The following TBCD variants were observed in gnomAD, a reference collection of about 807,000 sequenced individuals.
TBCD encodes the protein tubulin-specific chaperone D.
A neutral mutation model predicts 169.3 loss-of-function variants in TBCD; 105 were observed. That is an observed-to-expected ratio of 0.62 (90% confidence interval 0.53 to 0.73). The LOEUF (loss-of-function observed/expected upper bound fraction) is 0.73. Among genes scored for constraint, TBCD ranks in the 30% least tolerant of loss-of-function variants. TBCD has a pLI of 0.00. For missense variants in TBCD, 1,444 were observed against 1,600.1 expected (o/e 0.90, Z 1.66); for synonymous variants, 700 against 643.9 (o/e 1.09, Z -1.32).
At chr17:82,909,192 T>C (rs759930284) in intron 21 of TBCD, 93 bp from the exon 22 acceptor site, 349 of 1,112,770 alleles carry the variant, frequency 3.1e-4, no homozygotes, top group Non-Finnish European at 4.2e-4. Context: ...TCTTCTGCCA[T>C]TTTCTCTTTG....
Position 82,920,468 on chromosome 17 carries a change from C to G in TBCD, c.2039-88C>G. 5.1e-6 allele frequency: 6 copies of G among 1,183,978 alleles called. No individual in the cohort carries two copies. Among genetic ancestry groups the G allele is most frequent in the Non-Finnish European group, 7.2e-6 (6 of 838,238 alleles). The allele number at this position is 1,183,978 out of a possible 1,614,324, so 73.3% of individuals were successfully genotyped here. On this transcript the variant is annotated intron_variant, in intron 23 of 38. Transcript: ENST00000355528. This position sits in a 1 kb window ranked among gnomAD's most constrained non-coding sequence, Gnocchi z 4.1. ...GTGAGGGGCAGGAGCTGGCCGCACA[C>G]AACTCAGAATGTGGCAAAGGCAAGC... is the stretch of plus-strand genomic sequence containing the variant.
In TBCD at chr17:82,832,046, G is replaced by T; in HGVS notation, c.1318+17112G>T. On this transcript the variant is annotated intron_variant, in intron 13 of 38. Transcript: ENST00000355528. This position sits in a 1 kb window ranked among gnomAD's most constrained non-coding sequence, Gnocchi z 4.9. The stretch of plus-strand genomic sequence containing the variant: ...GCTTCCGGAGCTGGGCTCTTGCAGG[G>T]TGATGCCCTGTGGAGGGCTGGCTTC... 1 of 1,613,828 alleles carries T rather than the reference G, an allele frequency of 6.2e-7. No homozygotes were observed. Among genetic ancestry groups the T allele is most frequent in the Middle Eastern group, 1.7e-4 (1 of 6,058 alleles).
Position 82,938,045 on chromosome 17 carries a change from G to A in TBCD, c.3282-4G>A. The A allele has an allele frequency of 6.2e-7, 1 of 1,612,936 alleles. No individual in the cohort carries two copies. The highest frequency in any genetic ancestry group is 8.5e-7 in the Non-Finnish European group (1 of 1,179,732). On this transcript the variant is annotated splice_polypyrimidine_tract_variant and splice_region_variant and intron_variant, in intron 35 of 38. Coordinates refer to ENST00000355528, the MANE Select transcript of TBCD (RefSeq NM_005993.5). ...CACCTGGAGCCATGTGCTGCTCCCG[G>A]CAGGTTCTGCGAGATGGTGCAGTTC...
chr17:82,894,833 C>T (rs2059372450), intron 17 of TBCD, among the ~76,000 whole-genome samples: 1 of 152,104 alleles, frequency 6.6e-6, no homozygotes, highest in Non-Finnish European at 1.5e-5. Flanking sequence ...AAAAATTAGC[C>T]AGGCGTGGTG....
intron 8 of TBCD, among the ~76,000 whole-genome samples, chr17:82,798,347 C>A (rs751087618): frequency 6.6e-6 from 1 of 152,090 alleles, no homozygotes; most frequent in East Asian, 1.9e-4. Flanking sequence ...GGGGTTTCAC[C>A]GTGTTAGCCA....
rs565534921 is a variant in TBCD at position 82,794,867 on chromosome 17, C to A, written c.772-2890C>A. On this transcript the variant is annotated intron_variant, in intron 7 of 38. Coordinates refer to ENST00000355528, the MANE Select transcript of TBCD (RefSeq NM_005993.5). ...CCTGTGTAATTCAGCTGGAAACTGT[C>A]CCCAGGGTAGAGAGAAGTGTGAGGA... Among the ~76,000 whole-genome samples the A allele has an allele frequency of 6.6e-5, 10 of 152,314 alleles. No individual in the cohort carries two copies. In the South Asian group the frequency reaches 1.9e-3, roughly 28 times the overall value.
chr17:82,932,239 G>A (rs558157428), intron 33 of TBCD: 28 of 296,672 alleles, frequency 9.4e-5, no homozygotes, highest in Middle Eastern at 1.2e-3. Flanking sequence ...CCTGGGACGC[G>A]TCTTGAGTGA....
At chr17:82,894,722 A>C (rs898325478) in intron 17 of TBCD, among the ~76,000 whole-genome samples, 1 of 152,256 alleles carries the variant, frequency 6.6e-6, no homozygotes, top group Admixed American at 6.5e-5. Flanking sequence ...GCAGTGGCTC[A>C]TGCCTGTAAT....
At chr17:82,896,447 C>T (rs2059483371) in intron 17 of TBCD, among the ~76,000 whole-genome samples, 1 of 142,770 alleles carries the variant, frequency 7.0e-6, no homozygotes, top group South Asian at 2.2e-4. Context: ...GGTGGCTGTG[C>T]TGTCAGTTTT....
Position 82,857,544 on chromosome 17 carries a change from C to T in TBCD, c.1319-12680C>T, listed in dbSNP as rs373651465. On this transcript the variant is annotated intron_variant, in intron 13 of 38. Transcript: ENST00000355528. The stretch of plus-strand genomic sequence containing the variant: ...TTTGGGTGTGTGTGATGTGTACATA[C>T]ACACATGCACATATACAGGTGTCTA... Among the ~76,000 whole-genome samples, 18 of 152,098 alleles carry T rather than the reference C, an allele frequency of 1.2e-4. 1 individual carries two copies. In the East Asian group the frequency reaches 1.3e-3, roughly 11 times the overall value.
intron 22 of TBCD, among the ~76,000 whole-genome samples, chr17:82,911,277 C>T (rs2060622316): frequency 6.6e-6 from 1 of 152,240 alleles, no homozygotes. Flanking sequence ...TTTGCCCTCC[C>T]CAGGGCAGCG....
chr17:82,909,137 C>A, intron 21 of TBCD, 148 bp from the exon 22 acceptor site: 1 of 559,688 alleles, frequency 1.8e-6, no homozygotes. Context: ...AGTAGGTGGG[C>A]CTCCGTCCTC....
intron 13 of TBCD, chr17:82,830,422 T>A: frequency 6.2e-7 from 1 of 1,611,844 alleles, no homozygotes; most frequent in East Asian, 2.2e-5. Flanking sequence ...TGCCGTCTGC[T>A]TCTGCTCCTC....
At chr17:82,900,475 G>A in intron 17 of TBCD, 176 bp from the exon 18 acceptor site, 1 of 604,722 alleles carries the variant, frequency 1.7e-6, no homozygotes, top group Non-Finnish European at 3.0e-6. Flanking sequence ...AAGCCCGTGT[G>A]TGCACAGATG....
chr17:82,807,002 T>C (rs1339820014), intron 10 of TBCD, among the ~76,000 whole-genome samples: 1 of 152,242 alleles, frequency 6.6e-6, no homozygotes, highest in African/African-American at 2.4e-5. Context: ...TTCCAGCTGC[T>C]GTGCTGGCTC....
chr17:82,917,089 A>G (rs1412804121), intron 23 of TBCD, among the ~76,000 whole-genome samples: 1 of 130,098 alleles, frequency 7.7e-6, no homozygotes, highest in African/African-American at 2.9e-5. Context: ...GCACAATCTC[A>G]GCTCACTGCA....
intron 7 of TBCD, among the ~76,000 whole-genome samples, chr17:82,787,565 T>G (rs2049406550): frequency 6.6e-6 from 1 of 152,218 alleles, no homozygotes; most frequent in South Asian, 2.1e-4. Context: ...CACCTTGGGC[T>G]TGGCAGAGCT....
At chr17:82,907,063 G>T (rs971169345) in intron 20 of TBCD, among the ~76,000 whole-genome samples, 1 of 152,254 alleles carries the variant, frequency 6.6e-6, no homozygotes, top group Non-Finnish European at 1.5e-5. Flanking sequence ...AGGCTAGACT[G>T]GGGTCTGGCC....
intron 21 of TBCD, 30 bp from the exon 22 acceptor site, chr17:82,909,255 A>G (rs1223296340): frequency 6.8e-7 from 1 of 1,463,660 alleles, no homozygotes; most frequent in South Asian, 1.3e-5. Context: ...AATTTAAATC[A>G]TTAAATAACT....
Sources: gnomAD v4.1 joint callset for allele counts (sites outside exome capture counted in the v4.1 genomes callset) on GRCh38, gnomAD v4.1.1 for gene constraint, Gnocchi (gnomAD v3.1) non-coding constraint, MANE v1.5 for transcripts, NCBI Gene and HGNC (gene_info 2026-07-23, HGNC 2026-07-21) for gene names.